The following CAD variants were observed in gnomAD, a reference collection of about 807,000 sequenced individuals.
CAD encodes the protein carbamoyl-phosphate synthetase 2, aspartate transcarbamylase, and dihydroorotase.
CAD carries 81 observed loss-of-function variants against 237.2 expected under a neutral mutation model. The observed-to-expected ratio is 0.34, with a 90% CI of 0.29 to 0.41. The LOEUF (loss-of-function observed/expected upper bound fraction) is 0.41. Among genes scored for constraint, CAD ranks in the 10% least tolerant of loss-of-function variants. The pLI is 1.00. For missense variants in CAD, 2,181 were observed against 2,951.7 expected (o/e 0.74, Z 6.05); for synonymous variants, 1,196 against 1,162.8 (o/e 1.03, Z -0.58).
At position 27,242,893 on chromosome 2, in the gene CAD, G is replaced by C. The variant is rs1322790818; in HGVS notation, c.6400G>C (p.Glu2134Gln). ...TKQEEFESIE[E>Q]ALPDTDVLYM... is the part of the protein sequence containing the mutation. ...CCAGGAGGAATTCGAGAGCATTGAGGAGGCGCTGCCTGACACTGATGTGCT... is the reference window on the plus strand; with the variant it reads ...CCAGGAGGAATTCGAGAGCATTGAGCAGGCGCTGCCTGACACTGATGTGCT... Residue 2134 changes from glutamate to glutamine, a missense_variant, in exon 42 of 44, where the codon GAG becomes CAG. This residue lies in a region of CAD where 170 missense variants were observed against 212.1 expected (regional missense o/e 0.80). Transcript: ENST00000264705. This position sits in a 1 kb window ranked among gnomAD's most constrained non-coding sequence, Gnocchi z 6.4. 1.2e-6 allele frequency: 2 copies of C among 1,614,124 alleles called. No homozygotes were observed. Among genetic ancestry groups the C allele is most frequent in the Middle Eastern group, 1.7e-4 (1 of 6,046 alleles).
chr2:27,232,327 T>C lies in CAD; in HGVS notation c.2645+103T>C. The stretch of plus-strand genomic sequence containing the variant: ...GAGGAAGGAGAGTGTGGGAGAGCTT[T>C]AGAGGCTTCTGACCTTGGTTCCAAG... On this transcript the variant is annotated intron_variant, in intron 17 of 43. Coordinates refer to ENST00000264705, the MANE Select transcript of CAD (RefSeq NM_004341.5). This position sits in a 1 kb window ranked among gnomAD's most constrained non-coding sequence, Gnocchi z 4.1. The C allele has an allele frequency of 6.3e-7, 1 of 1,576,452 alleles. No individual in the cohort carries two copies. The highest frequency in any genetic ancestry group is 8.6e-7 in the Non-Finnish European group (1 of 1,161,296).
At position 27,237,768 on chromosome 2, in the gene CAD, G is replaced by T. The variant is rs371380215; in HGVS notation, c.4614G>T (p.Ser1538=). 6.2e-7 allele frequency: 1 copy of T among 1,614,078 alleles called. No homozygotes were observed. Among genetic ancestry groups the T allele is most frequent in the Non-Finnish European group, 8.5e-7 (1 of 1,180,040 alleles). ...RCDFALFLGA[S]SENAGTLGTV... The stretch of plus-strand genomic sequence containing the variant: ...ACTTTGCGCTATTCCTTGGGGCCTC[G>T]TCTGAAAATGCAGGAACCTTGGGCA... Residue 1538 remains serine, a synonymous_variant, in exon 29 of 44, where the codon TCG becomes TCT. Transcript: ENST00000264705. The surrounding 1 kb of genome is among the most constrained non-coding windows in gnomAD (Gnocchi z 4.0).
rs765169438 is a variant in CAD, at chr2:27,224,448, C to T, written c.1212C>T (p.Leu404=). The T allele has an allele frequency of 1.2e-6, 2 of 1,614,178 alleles. No individual in the cohort carries two copies. Among genetic ancestry groups the T allele is most frequent in the Non-Finnish European group, 8.5e-7 (1 of 1,180,036 alleles). Residue 404 remains leucine, a synonymous_variant, in exon 9 of 44, where the codon CTC becomes CTT. Coordinates refer to ENST00000264705, the MANE Select transcript of CAD (RefSeq NM_004341.5). Reference sequence around the variant, plus strand: ...TTCTGATCCTGGGCTCAGGGGGCCTCTCCATTGGCCAAGCTGGAGAATTTG... The same window carrying T: ...TTCTGATCCTGGGCTCAGGGGGCCTTTCCATTGGCCAAGCTGGAGAATTTG... ...RKVLILGSGG[L]SIGQAGEFDY...
Position 27,232,325 on chromosome 2 carries a change from T to C in CAD, c.2645+101T>C. The C allele has an allele frequency of 6.3e-7, 1 of 1,576,840 alleles. No homozygotes were observed. Among genetic ancestry groups the C allele is most frequent in the Non-Finnish European group, 8.6e-7 (1 of 1,161,536 alleles). On this transcript the variant is annotated intron_variant, in intron 17 of 43. Transcript: ENST00000264705. This position sits in a 1 kb window ranked among gnomAD's most constrained non-coding sequence, Gnocchi z 4.1. Reference sequence around the variant, plus strand: ...GGGAGGAAGGAGAGTGTGGGAGAGCTTTAGAGGCTTCTGACCTTGGTTCCA... The same window carrying C: ...GGGAGGAAGGAGAGTGTGGGAGAGCCTTAGAGGCTTCTGACCTTGGTTCCA...
rs1317893104 is a variant in CAD, at chr2:27,240,569, GT to G, written c.5593+209del. Reference sequence around the variant, plus strand: ...ATGCCCTTTTTTGTTGTGGGCAGCTGTGTTCCTCCGCCCAGGAGCTGGGATC... The same window carrying G: ...ATGCCCTTTTTTGTTGTGGGCAGCTGGTTCCTCCGCCCAGGAGCTGGGATC... On this transcript the variant is annotated intron_variant, in intron 35 of 43. Coordinates refer to ENST00000264705, the MANE Select transcript of CAD (RefSeq NM_004341.5). This position sits in a 1 kb window ranked among gnomAD's most constrained non-coding sequence, Gnocchi z 4.6. 4 of 1,546,888 alleles carry G rather than the reference GT, an allele frequency of 2.6e-6. No homozygotes were observed. The highest frequency in any genetic ancestry group is 1.7e-4 in the Middle Eastern group (1 of 5,962).
In CAD at chr2:27,238,463, C is replaced by G; in HGVS notation, c.4893C>G (p.Gly1631=). 6.2e-7 allele frequency: 1 copy of G among 1,601,348 alleles called. No individual in the cohort carries two copies. Among genetic ancestry groups the G allele is most frequent in the Non-Finnish European group, 8.5e-7 (1 of 1,173,860 alleles). Reference sequence around the variant, plus strand: ...TAATTAAAGCTGCAAAGGCACGGGGCTTGCCAGTGACCTGCGAGGTGGCTC... The same window carrying G: ...TAATTAAAGCTGCAAAGGCACGGGGGTTGCCAGTGACCTGCGAGGTGGCTC... The part of the protein sequence containing the change: ...ILLIKAAKAR[G]LPVTCEVAPH... Residue 1631 remains glycine (G), a synonymous_variant, in exon 31 of 44, where the codon GGC becomes GGG. Transcript: ENST00000264705.
At position 27,236,888 on chromosome 2, in the gene CAD, T is replaced by C; in HGVS notation, c.4396+58T>C. The C allele has an allele frequency of 7.1e-7, 1 of 1,406,882 alleles. No homozygotes were observed. Among genetic ancestry groups the C allele is most frequent in the Non-Finnish European group, 1.0e-6 (1 of 990,750 alleles). 87.1% of individuals were successfully genotyped at this position (1,406,882 alleles called of 1,614,324 possible). On this transcript the variant is annotated intron_variant, in intron 27 of 43. Coordinates refer to ENST00000264705, the MANE Select transcript of CAD (RefSeq NM_004341.5). The surrounding 1 kb of genome is among the most constrained non-coding windows in gnomAD (Gnocchi z 4.1). ...ACTGGCAGCCCCTGGCATAGAGACC[T>C]GCAGTGTGGTGAAGGATGGCTGGGG...
Position 27,242,979 on chromosome 2 carries a change from T to C in CAD, c.6480+6T>C, listed in dbSNP as rs943549081. On this transcript the variant is annotated splice_donor_region_variant and intron_variant, in intron 42 of 43. Transcript: ENST00000264705. The surrounding 1 kb of genome is among the most constrained non-coding windows in gnomAD (Gnocchi z 6.4). ...CTACCCAGGAGTACGAAGCTGTGAG[T>C]GCTGGGCTTGAGGAAGAAGCCAGGG... The C allele has an allele frequency of 6.3e-7, 1 of 1,588,494 alleles. No individual in the cohort carries two copies. The highest frequency in any genetic ancestry group is 8.6e-7 in the Non-Finnish European group (1 of 1,162,838).
Position 27,236,693 on chromosome 2 carries a change from T to C in CAD, c.4315-56T>C, listed in dbSNP as rs748508420. 5.7e-6 allele frequency: 9 copies of C among 1,577,960 alleles called. No individual in the cohort carries two copies. The African/African-American group carries it at 1.2e-4, about 21-fold the overall frequency. ...CTGGTTTATGGGAAAACCACATCTC[T>C]CCCTACAACTCCCAGGATCACCCTT... On this transcript the variant is annotated intron_variant, in intron 26 of 43. Transcript: ENST00000264705. This position sits in a 1 kb window ranked among gnomAD's most constrained non-coding sequence, Gnocchi z 4.1.
Position 27,240,951 on chromosome 2 carries a change from G to A in CAD, c.5634G>A (p.Glu1878=), listed in dbSNP as rs1463525530. The part of the protein sequence containing the change: ...PKEKSSRKVA[E]PELMGTPDGT... Reference sequence around the variant, plus strand: ...AGAAGTCCTCTCGGAAGGTAGCCGAGCCAGGTGAGACTCCACCCTGACACA... The same window carrying A: ...AGAAGTCCTCTCGGAAGGTAGCCGAACCAGGTGAGACTCCACCCTGACACA... Residue 1878 remains glutamate (E), a synonymous_variant, in exon 36 of 44, where the codon GAG becomes GAA. Transcript: ENST00000264705. The surrounding 1 kb of genome is among the most constrained non-coding windows in gnomAD (Gnocchi z 4.6). 1.2e-6 allele frequency: 2 copies of A among 1,614,112 alleles called. No homozygotes were observed. Among genetic ancestry groups the A allele is most frequent in the African/African-American group, 1.3e-5 (1 of 75,010 alleles).
At position 27,240,068 on chromosome 2, in the gene CAD, C is replaced by T; in HGVS notation, c.5497-197C>T. 1.6e-6 allele frequency: 1 copy of T among 606,678 alleles called. No homozygotes were observed. The highest frequency in any genetic ancestry group is 2.9e-6 in the Non-Finnish European group (1 of 346,008). 37.6% of individuals were successfully genotyped at this position (606,678 alleles called of 1,614,324 possible). A position where few individuals can be genotyped will look rare whatever the true frequency, so the allele number is the denominator to read the frequency against. ...CCAGCCTAGCCAACATGGTGAAACCCCATCTCTACTAAAAATAAAAAAATT... is the reference window on the plus strand; with the variant it reads ...CCAGCCTAGCCAACATGGTGAAACCTCATCTCTACTAAAAATAAAAAAATT... On this transcript the variant is annotated intron_variant, in intron 34 of 43. Transcript: ENST00000264705. This position sits in a 1 kb window ranked among gnomAD's most constrained non-coding sequence, Gnocchi z 4.6.
Position 27,241,963 on chromosome 2 carries a change from C to T in CAD, c.5936C>T (p.Ser1979Phe). 3.1e-6 allele frequency: 5 copies of T among 1,613,724 alleles called. No homozygotes were observed. Among genetic ancestry groups the T allele is most frequent in the Non-Finnish European group, 4.2e-6 (5 of 1,180,028 alleles). The change falls in exon 39 of 44, where the codon TCC becomes TTC. Residue 1979 changes from serine (S) to phenylalanine (F), a missense_variant. Ser to Phe is a radical substitution (Grantham distance 155). Transcript: ENST00000264705. This position sits in a 1 kb window ranked among gnomAD's most constrained non-coding sequence, Gnocchi z 4.6. ...GAAGTGAGCACACGGACCAGCAGCT[C>T]CTTTGCAGCAGCCATGGCCCGGCTG... The part of the protein sequence containing the change: ...FYEVSTRTSS[S>F]FAAAMARLGG...
In CAD at chr2:27,225,890, C is replaced by T. The variant is rs766564848; in HGVS notation, c.1806C>T (p.Tyr602=). 13 of 1,614,040 alleles carry T rather than the reference C, an allele frequency of 8.1e-6. No individual in the cohort carries two copies. Among genetic ancestry groups the T allele is most frequent in the African/African-American group, 5.3e-5 (4 of 74,912 alleles). Residue 602 remains tyrosine (Y), a synonymous_variant, in exon 12 of 44, where the codon TAC becomes TAT. Transcript: ENST00000264705. ...KSLKGWKEIE[Y]EVVRDAYGNC... Reference sequence around the variant, plus strand: ...TGAAGGGATGGAAGGAGATTGAGTACGAGGTGGTGAGAGACGCCTATGGCA... The same window carrying T: ...TGAAGGGATGGAAGGAGATTGAGTATGAGGTGGTGAGAGACGCCTATGGCA...
chr2:27,243,621 A>G lies in CAD; in HGVS notation c.*103A>G, dbSNP rs772138732. Reference sequence around the variant, plus strand: ...CACTTAGATATTCCTGGACATCCAGATAGCTCACATGTGCTGACCACACTT... The same window carrying G: ...CACTTAGATATTCCTGGACATCCAGGTAGCTCACATGTGCTGACCACACTT... On this transcript the variant is annotated 3_prime_UTR_variant, in exon 44 of 44. Coordinates refer to ENST00000264705, the MANE Select transcript of CAD (RefSeq NM_004341.5). The G allele has an allele frequency of 1.1e-5, 10 of 891,610 alleles. No individual in the cohort carries two copies. Among genetic ancestry groups the G allele is most frequent in the Admixed American group, 2.3e-5 (1 of 43,074 alleles). The allele number at this position is 891,610 out of a possible 1,614,324, so 55.2% of individuals were successfully genotyped here.
Position 27,231,486 on chromosome 2 carries a change from G to A in CAD, c.2306G>A (p.Gly769Glu). 1 of 1,609,578 alleles carries A rather than the reference G, an allele frequency of 6.2e-7. No individual in the cohort carries two copies. The highest frequency in any genetic ancestry group is 8.5e-7 in the Non-Finnish European group (1 of 1,175,936). ...CTTCCAGGTGAAGTCATGGGCATTG[G>A]GCGTTCATTTGAGGAGGCCTTCCAG... ...MKSVGEVMGI[G>E]RSFEEAFQKA... The change falls in exon 16 of 44, where the codon GGG (glycine) becomes GAG (glutamate). Residue 769 changes from glycine to glutamate, a missense_variant. Coordinates refer to ENST00000264705, the MANE Select transcript of CAD (RefSeq NM_004341.5).
rs1676342628 is a variant in CAD, at chr2:27,242,007, T to C, written c.5980T>C (p.Phe1994Leu). ...CCGGCTGGGAGGTGCTGTGCTCAGC[T>C]TCTCGGAAGCCACATCGTCCGTCCA... is the stretch of plus-strand genomic sequence containing the variant. ...MARLGGAVLS[F>L]SEATSSVQKG... is the part of the protein sequence containing the mutation. Residue 1994 changes from phenylalanine to leucine, a missense_variant, in exon 39 of 44, where the codon TTC becomes CTC. This residue lies in a region of CAD where 203 missense variants were observed against 284.5 expected (regional missense o/e 0.71). Transcript: ENST00000264705. This position sits in a 1 kb window ranked among gnomAD's most constrained non-coding sequence, Gnocchi z 6.4. 1 of 1,613,204 alleles carries C rather than the reference T, an allele frequency of 6.2e-7. No individual in the cohort carries two copies. Among genetic ancestry groups the C allele is most frequent in the South Asian group, 1.1e-5 (1 of 91,082 alleles).
intron 8 of CAD, 44 bp from the exon 9 acceptor site, chr2:27,224,301 T>G: frequency 1.2e-6 from 2 of 1,608,436 alleles, no homozygotes; most frequent in Non-Finnish European, 1.7e-6. Flanking sequence ...ACCTCTTGGG[T>G]CCAGCTCAGC....
Position 27,242,570 on chromosome 2 carries a change from CG to C in CAD, c.6223-44del, listed in dbSNP as rs758167324. 4.5e-6 allele frequency: 7 copies of C among 1,561,256 alleles called. No individual in the cohort carries two copies. Among genetic ancestry groups the C allele is most frequent in the Admixed American group, 3.5e-5 (2 of 56,546 alleles). ...GCTTTTAAAAGCTTGGAAATGATGT[CG>C]GGGGGCACTCAGTCTGGGATCCCTG... On this transcript the variant is annotated intron_variant, in intron 40 of 43. Coordinates refer to ENST00000264705, the MANE Select transcript of CAD (RefSeq NM_004341.5). This position sits in a 1 kb window ranked among gnomAD's most constrained non-coding sequence, Gnocchi z 6.4.
intron 6 of CAD, 71 bp from the exon 7 acceptor site, chr2:27,223,492 A>C: frequency 2.2e-6 from 3 of 1,334,666 alleles, no homozygotes; most frequent in Non-Finnish European, 3.2e-6. Context: ...GAGATCGGTG[A>C]GAGCTGGGGT....
Sources: allele counts gnomAD v4.1 joint callset, GRCh38; gene constraint gnomAD v4.1.1; regional missense constraint gnomAD v4.1.1; non-coding constraint Gnocchi (gnomAD v3.1); transcripts MANE v1.5; gene names NCBI Gene and HGNC (gene_info 2026-07-23, HGNC 2026-07-21).